FSTL4: variants seen among roughly 807,000 people sequenced by gnomAD.
FSTL4 encodes the protein follistatin like 4, also known as follistatin-related protein 4.
In FSTL4, 28 loss-of-function variants were observed where a neutral mutation model predicts 78.2. The observed-to-expected ratio is 0.36, with a 90% CI of 0.27 to 0.49. The LOEUF is 0.49. Ranked by LOEUF, FSTL4 falls within the 20% of genes least tolerant of loss-of-function variation. The pLI is 0.98. For missense variants in FSTL4, 922 were observed against 1,084.9 expected (o/e 0.85, Z 2.11); for synonymous variants, 422 against 440.5 (o/e 0.96, Z 0.53).
intron 3 of FSTL4, among the ~76,000 whole-genome samples, chr5:133,553,981 T>C (rs961615132): frequency 1.3e-5 from 2 of 152,166 alleles, no homozygotes; most frequent in African/African-American, 4.8e-5. Flanking sequence ...ATCCCTCCTC[T>C]GCTACTCACT....
At chr5:133,680,713 T>C in the FSTL4 span, among the ~76,000 whole-genome samples, 1 of 152,136 alleles carries the variant, frequency 6.6e-6, no homozygotes, top group African/African-American at 2.4e-5. Context: ...TCCCCACCTT[T>C]TGGCAGAGGG....
intron 3 of FSTL4, among the ~76,000 whole-genome samples, chr5:133,402,935 G>A (rs1050173222): frequency 1.3e-5 from 2 of 152,256 alleles, no homozygotes; most frequent in African/African-American, 4.8e-5. Flanking sequence ...TGGTGGCGGG[G>A]AGGGAAGGAG....
At chr5:133,655,341 A>C in the FSTL4 span, among the ~76,000 whole-genome samples, 9 of 152,198 alleles carry the variant, frequency 5.9e-5, no homozygotes, top group African/African-American at 2.2e-4. Context: ...ATACTGCCAG[A>C]ATGGGCTTCT....
At chr5:133,526,017 C>T (rs1238764210) in intron 3 of FSTL4, among the ~76,000 whole-genome samples, 3 of 152,190 alleles carry the variant, frequency 2.0e-5, no homozygotes, top group Non-Finnish European at 4.4e-5. Flanking sequence ...ATTCTCTCAA[C>T]TGTCTACTGA....
the FSTL4 span, among the ~76,000 whole-genome samples, chr5:133,773,813 GC>G: frequency 6.6e-6 from 1 of 152,110 alleles, no homozygotes; most frequent in African/African-American, 2.4e-5. Flanking sequence ...ATTGGAACTG[GC>G]CCCAGGAAGC....
In FSTL4 at chr5:133,242,437, T is replaced by C. The variant is rs1751902502; in HGVS notation, c.894+6973A>G. ...GTTCCTGGGTTCTGCAATCAGGGTA[T>C]AGAAGCTGAATCAGAACCTTCCTGT... is the stretch of plus-strand genomic sequence containing the variant. On this transcript the variant is annotated intron_variant, in intron 7 of 15. Transcript: ENST00000265342. Among the ~76,000 whole-genome samples the C allele has an allele frequency of 2.6e-5, 4 of 152,122 alleles. No individual in the cohort carries two copies. In the South Asian group the frequency reaches 8.3e-4, roughly 32 times the overall value.
At chr5:133,265,399 A>C (rs1354644374) in intron 6 of FSTL4, among the ~76,000 whole-genome samples, 1 of 152,136 alleles carries the variant, frequency 6.6e-6, no homozygotes, top group Non-Finnish European at 1.5e-5. Context: ...TGGCAGCTGA[A>C]AGTCAATGTG....
intron 13 of FSTL4, among the ~76,000 whole-genome samples, chr5:133,212,757 T>C (rs541955488): frequency 2.4e-4 from 36 of 152,208 alleles, no homozygotes; most frequent in Non-Finnish European, 4.9e-4. Flanking sequence ...TCAGTATACA[T>C]ATTCAAGAAA....
At chr5:133,736,557 C>T in the FSTL4 span, among the ~76,000 whole-genome samples, 4 of 152,140 alleles carry the variant, frequency 2.6e-5, no homozygotes, top group African/African-American at 9.7e-5. Flanking sequence ...TGACTTGTGA[C>T]CCTTTTTGCC....
the FSTL4 span, among the ~76,000 whole-genome samples, chr5:133,806,529 C>T: frequency 6.6e-6 from 1 of 152,182 alleles, no homozygotes; most frequent in Non-Finnish European, 1.5e-5. Flanking sequence ...TCTTCTATCC[C>T]GCAGAAAGCT....
chr5:133,322,249 C>A (rs866286963), intron 4 of FSTL4, among the ~76,000 whole-genome samples: 1 of 138,666 alleles, frequency 7.2e-6, no homozygotes, highest in African/African-American at 3.0e-5. Flanking sequence ...ACCCCCACAC[C>A]CACCCACACC....
chr5:133,250,038 C>T (rs960150766), intron 6 of FSTL4, among the ~76,000 whole-genome samples: 13 of 152,206 alleles, frequency 8.5e-5, no homozygotes, highest in African/African-American at 2.2e-4. Context: ...TTAAAGGTTG[C>T]GCTGTCTGAA....
At chr5:133,639,097 C>T in the FSTL4 span, among the ~76,000 whole-genome samples, 1 of 152,100 alleles carries the variant, frequency 6.6e-6, no homozygotes, top group Non-Finnish European at 1.5e-5. Flanking sequence ...GCCCCATATG[C>T]ATTCGGTATT....
At chr5:133,418,463 G>A (rs1756624821) in intron 3 of FSTL4, among the ~76,000 whole-genome samples, 1 of 151,812 alleles carries the variant, frequency 6.6e-6, no homozygotes, top group South Asian at 2.1e-4. Context: ...CTACAGATTT[G>A]ACACAATTTC....
chr5:133,459,387 C>A (rs1455340249), intron 3 of FSTL4, among the ~76,000 whole-genome samples: 1 of 151,960 alleles, frequency 6.6e-6, no homozygotes, highest in African/African-American at 2.4e-5. Context: ...TAATAGCATA[C>A]CAAGAGTCAC....
chr5:133,199,043 C>T lies in FSTL4; in HGVS notation c.*52G>A. The T allele has an allele frequency of 8.9e-7, 1 of 1,128,314 alleles. No homozygotes were observed. Among genetic ancestry groups the T allele is most frequent in the Non-Finnish European group, 1.3e-6 (1 of 793,384 alleles). The allele number at this position is 1,128,314 out of a possible 1,614,324, so 69.9% of individuals were successfully genotyped here. On this transcript the variant is annotated 3_prime_UTR_variant, in exon 16 of 16. Coordinates refer to ENST00000265342, the MANE Select transcript of FSTL4 (RefSeq NM_015082.2). The surrounding 1 kb of genome is among the most constrained non-coding windows in gnomAD (Gnocchi z 4.4). ...TGTACAGCGTACCTGCTTGAGGCTG[C>T]AGTGTCAGGACTAGGGGGTGTTCCT...
chr5:133,756,813 G>A, the FSTL4 span, among the ~76,000 whole-genome samples: 1 of 152,088 alleles, frequency 6.6e-6, no homozygotes, highest in Non-Finnish European at 1.5e-5. Context: ...CCATCCCTGG[G>A]GGGTTGTAGT....
chr5:133,821,488 C>T, the FSTL4 span, among the ~76,000 whole-genome samples: 1,327 of 152,284 alleles, frequency 8.7e-3, 15 homozygotes, highest in African/African-American at 0.03. Flanking sequence ...TAACAGTGTC[C>T]CTTTTCCTTA....
intron 8 of FSTL4, among the ~76,000 whole-genome samples, chr5:133,229,316 G>A (rs996922406): frequency 6.6e-6 from 1 of 152,158 alleles, no homozygotes. Flanking sequence ...GAGTCCAGGA[G>A]TTTGAGACCA....
Sources: allele counts gnomAD v4.1 joint callset (sites outside exome capture counted in the v4.1 genomes callset), GRCh38; gene constraint gnomAD v4.1.1; non-coding constraint Gnocchi (gnomAD v3.1); transcripts MANE v1.5; gene names NCBI Gene and HGNC (gene_info 2026-07-23, HGNC 2026-07-21).